MRAP2: variants seen among roughly 807,000 people sequenced by gnomAD.
MRAP2 encodes the protein melanocortin 2 receptor accessory protein 2, also known as melanocortin-2 receptor accessory protein 2.
In MRAP2, 20 loss-of-function variants were observed where a neutral mutation model predicts 17.4. The ratio of observed to expected loss-of-function variants is 1.15; its 90% CI spans 0.81 to 1.67. The LOEUF is 1.67. Ranked by LOEUF, MRAP2 falls within the 40% of genes most tolerant of loss-of-function variation. The pLI, the probability that MRAP2 is intolerant of heterozygous loss-of-function variation, is 0.00. For synonymous variants in MRAP2, 96 were observed against 88.4 expected (o/e 1.09, Z -0.48); for missense variants, 238 against 240.0 (o/e 0.99, Z 0.05).
At chr6:84,119,490 C>G in the MRAP2 span, among the ~76,000 whole-genome samples, 38,145 of 152,090 alleles carry the variant, frequency 0.25, 10,704 homozygotes, top group African/African-American at 0.7. Flanking sequence ...CAGCCTTGTG[C>G]CTCTAGGAGA....
the MRAP2 span, among the ~76,000 whole-genome samples, chr6:84,113,105 T>C: frequency 2.0e-5 from 3 of 152,182 alleles, no homozygotes; most frequent in Non-Finnish European, 4.4e-5. Context: ...TAGATGTCTA[T>C]TAGGTCCTCT....
chr6:84,078,005 GC>G (rs1463139197), intron 3 of MRAP2, among the ~76,000 whole-genome samples: 1 of 152,088 alleles, frequency 6.6e-6, no homozygotes, highest in Non-Finnish European at 1.5e-5. Context: ...AATTTAAATA[GC>G]CACATATTGG....
intron 1 of MRAP2, among the ~76,000 whole-genome samples, chr6:84,041,767 A>C (rs530431082): frequency 6.6e-6 from 1 of 152,344 alleles, no homozygotes; most frequent in African/African-American, 2.4e-5. Context: ...TATTTACCCA[A>C]TGCCTGTACC....
chr6:84,039,563 A>C (rs1169400526), intron 1 of MRAP2, among the ~76,000 whole-genome samples: 1 of 152,232 alleles, frequency 6.6e-6, no homozygotes, highest in African/African-American at 2.4e-5. Flanking sequence ...GAGATGCTAA[A>C]ATTATATATG....
chr6:84,120,890 T>C, the MRAP2 span, among the ~76,000 whole-genome samples: 2 of 152,148 alleles, frequency 1.3e-5, no homozygotes, highest in African/African-American at 4.8e-5. Flanking sequence ...TTTACTACCC[T>C]CTAGGCATGT....
chr6:84,145,610 A>T, the MRAP2 span, among the ~76,000 whole-genome samples: 1 of 151,940 alleles, frequency 6.6e-6, no homozygotes, highest in Non-Finnish European at 1.5e-5. Flanking sequence ...TCTGGTCTAG[A>T]TCTCTGTCTA....
At chr6:84,088,606 A>T (rs185688124) in intron 3 of MRAP2, among the ~76,000 whole-genome samples, 1 of 152,326 alleles carries the variant, frequency 6.6e-6, no homozygotes, top group African/African-American at 2.4e-5. Context: ...CAAATATTTA[A>T]TGTACCCCTA....
At chr6:84,074,769 T>A (rs2099497157) in intron 3 of MRAP2, among the ~76,000 whole-genome samples, 1 of 152,204 alleles carries the variant, frequency 6.6e-6, no homozygotes, top group East Asian at 1.9e-4. Flanking sequence ...TGAGAGAGAA[T>A]GTTTATCTGC....
the MRAP2 span, among the ~76,000 whole-genome samples, chr6:84,144,807 C>T: frequency 2.6e-5 from 4 of 152,104 alleles, no homozygotes; most frequent in Non-Finnish European, 4.4e-5. Context: ...AGAACTTTTT[C>T]TCTTAAGCTA....
chr6:84,068,814 G>A (rs1178448750), intron 3 of MRAP2, among the ~76,000 whole-genome samples: 3 of 104,884 alleles, frequency 2.9e-5, no homozygotes, highest in South Asian at 6.2e-4. Flanking sequence ...TTTTTGAGAC[G>A]CACACTACCA....
chr6:84,088,366 A>G (rs2099501000), intron 3 of MRAP2, among the ~76,000 whole-genome samples: 1 of 152,172 alleles, frequency 6.6e-6, no homozygotes, highest in Admixed American at 6.5e-5. Context: ...TGACTCATTT[A>G]TTACCCTTGA....
chr6:84,093,446 T>A (rs73750504), downstream of MRAP2, among the ~76,000 whole-genome samples: 23,744 of 151,782 alleles, frequency 0.16, 1,953 homozygotes, highest in Middle Eastern at 0.25. Context: ...CTATCTGGAG[T>A]GCCATGAGAT....
intron 1 of MRAP2, among the ~76,000 whole-genome samples, chr6:84,039,109 G>A (rs1435517902): frequency 6.6e-6 from 1 of 152,136 alleles, no homozygotes; most frequent in Non-Finnish European, 1.5e-5. Context: ...AGGGAGTCAG[G>A]CTTTATAAGA....
the MRAP2 span, chr6:84,124,814 T>C: frequency 2.2e-6 from 1 of 456,696 alleles, no homozygotes; most frequent in Non-Finnish European, 3.8e-6. Context: ...AGCATACAAG[T>C]GAGCCCTTCT....
intron 3 of MRAP2, among the ~76,000 whole-genome samples, chr6:84,078,411 G>A (rs556030266): frequency 6.6e-6 from 1 of 152,142 alleles, no homozygotes; most frequent in Non-Finnish European, 1.5e-5. Flanking sequence ...TCAGAGAAAT[G>A]CACATTAAAG....
the MRAP2 span, among the ~76,000 whole-genome samples, chr6:84,144,480 A>C: frequency 6.6e-6 from 1 of 152,110 alleles, no homozygotes; most frequent in Middle Eastern, 3.2e-3. Context: ...AAGTCTTATC[A>C]TCCACAGATA....
chr6:84,134,684 T>A, the MRAP2 span, among the ~76,000 whole-genome samples: 1 of 152,142 alleles, frequency 6.6e-6, no homozygotes, highest in Non-Finnish European at 1.5e-5. Context: ...ACCCACTGTC[T>A]AACCAGTTCC....
chr6:84,081,227 G>GCCTC (rs1435279725), intron 3 of MRAP2, among the ~76,000 whole-genome samples: 3 of 152,128 alleles, frequency 2.0e-5, no homozygotes, highest in African/African-American at 7.2e-5. Flanking sequence ...GCATTAAGAG[G>GCCTC]GGTCAAAGTC....
chr6:84,061,648 C>A, intron 2 of MRAP2: 2 of 370,846 alleles, frequency 5.4e-6, no homozygotes, highest in Non-Finnish European at 7.5e-6. Flanking sequence ...TTGTTCCAGC[C>A]AGGTAGTGGT....
Sources: gnomAD v4.1 joint callset for allele counts (sites outside exome capture counted in the v4.1 genomes callset) on GRCh38, gnomAD v4.1.1 for gene constraint, MANE v1.5 for transcripts, NCBI Gene and HGNC (gene_info 2026-07-23, HGNC 2026-07-21) for gene names.